The following ST7 variants were observed in gnomAD, a reference collection of about 807,000 sequenced individuals.
ST7 encodes the protein suppressor of tumorigenicity 7 protein.
ST7 carries 28 observed loss-of-function variants against 78.7 expected under a neutral mutation model. The ratio of observed to expected loss-of-function variants is 0.36; its 90% confidence interval spans 0.26 to 0.49. The LOEUF is 0.49. Among genes scored for constraint, ST7 ranks in the 20% least tolerant of loss-of-function variants. ST7 has a pLI of 0.99. For synonymous variants in ST7, 247 were observed against 249.6 expected (o/e 0.99, Z 0.10); for missense variants, 418 against 696.0 (o/e 0.60, Z 4.49).
At chr7:117,191,021 G>A (rs932933096) in intron 12 of ST7, 85 bp downstream of exon 12, 20 of 1,089,360 alleles carry the variant, frequency 1.8e-5, no homozygotes, top group Non-Finnish European at 2.6e-5. Flanking sequence ...CAAGTACACC[G>A]CTTATAAAAA....
At chr7:116,967,112 A>G (rs1186986116) in intron 1 of ST7, among the ~76,000 whole-genome samples, 1 of 136,360 alleles carries the variant, frequency 7.3e-6, no homozygotes, top group Admixed American at 8.1e-5. Context: ...GTGAGTTTCT[A>G]TCACTCTTTT....
At chr7:117,029,377 C>T (rs1326938113) in intron 1 of ST7, among the ~76,000 whole-genome samples, 1 of 151,796 alleles carries the variant, frequency 6.6e-6, no homozygotes, top group Admixed American at 6.6e-5. Flanking sequence ...TCTTTTTGGC[C>T]ATTTGTGTAT....
chr7:117,188,042 G>T (rs1584547193), intron 10 of ST7, among the ~76,000 whole-genome samples: 1 of 152,074 alleles, frequency 6.6e-6, no homozygotes, highest in African/African-American at 2.4e-5. Context: ...GAGATTACGG[G>T]TACAAAGACC....
rs990251196 is a variant in ST7, at chr7:117,152,203, A to T, written c.963+13671A>T. Reference sequence around the variant, plus strand: ...TATATATATATATATATATATATATATATATATATATATATATATACCATG... The same window carrying T: ...TATATATATATATATATATATATATTTATATATATATATATATATACCATG... On this transcript the variant is annotated intron_variant, in intron 9 of 15. Transcript: ENST00000323984. Among the ~76,000 whole-genome samples, 233 of 94,666 alleles carry T rather than the reference A, an allele frequency of 2.5e-3. 5 individuals carry two copies. The highest frequency in any genetic ancestry group is 8.0e-3 in the African/African-American group (221 of 27,734). 62.1% of individuals were successfully genotyped at this position (94,666 alleles called of 152,430 possible).
intron 1 of ST7, among the ~76,000 whole-genome samples, chr7:116,961,896 C>T (rs1792852076): frequency 6.6e-6 from 1 of 151,938 alleles, no homozygotes; most frequent in Non-Finnish European, 1.5e-5. Context: ...TTAACCCCTG[C>T]ATGCATTAGC....
At chr7:116,980,668 A>G (rs1793918903) in intron 1 of ST7, among the ~76,000 whole-genome samples, 1 of 152,238 alleles carries the variant, frequency 6.6e-6, no homozygotes, top group Non-Finnish European at 1.5e-5. Context: ...TGTTATTTTA[A>G]AATAATTTCA....
intron 12 of ST7, among the ~76,000 whole-genome samples, chr7:117,208,908 T>G (rs1296320179): frequency 3.6e-5 from 1 of 27,402 alleles, no homozygotes; most frequent in African/African-American, 6.7e-5. Context: ...TGTGGGTGTG[T>G]GTGTGTGTGT....
At chr7:117,164,005 GAAA>G (rs570550927) in intron 9 of ST7, among the ~76,000 whole-genome samples, 174 of 152,200 alleles carry the variant, frequency 1.1e-3, no homozygotes, top group African/African-American at 3.6e-3. Context: ...CATAGAAATA[GAAA>G]AACAATCCTA....
At position 117,157,854 on chromosome 7, in the gene ST7, G is replaced by A. The variant is rs543816342; in HGVS notation, c.964-13008G>A. ...ATTCAAAATATGCATCAAATTGCTC[G>A]GGTTTGTTCATGATCTCCGGGCTAG... On this transcript the variant is annotated intron_variant, in intron 9 of 15. Coordinates refer to ENST00000323984, the MANE Select transcript of ST7 (RefSeq NM_001369598.1). Among the ~76,000 whole-genome samples the A allele has an allele frequency of 5.9e-5, 9 of 152,228 alleles. No homozygotes were observed. In the East Asian group the frequency reaches 1.5e-3, roughly 26 times the overall value.
chr7:117,186,422 C>T (rs531473276), intron 10 of ST7, among the ~76,000 whole-genome samples: 18 of 152,136 alleles, frequency 1.2e-4, no homozygotes, highest in Non-Finnish European at 2.1e-4. Context: ...ATCTACAGTG[C>T]GGATATGCTG....
At chr7:117,226,684 T>C (rs1043098645) in intron 15 of ST7, among the ~76,000 whole-genome samples, 8 of 152,210 alleles carry the variant, frequency 5.3e-5, no homozygotes, top group African/African-American at 1.9e-4. Context: ...CTCACTACAT[T>C]GCCTGCTCCT....
chr7:116,988,485 A>G (rs909795923), intron 1 of ST7, among the ~76,000 whole-genome samples: 5 of 152,216 alleles, frequency 3.3e-5, no homozygotes, highest in African/African-American at 1.2e-4. Context: ...TGTTATATAC[A>G]GATTTCATAG....
intron 1 of ST7, among the ~76,000 whole-genome samples, chr7:117,070,581 G>T (rs746314049): frequency 1.3e-5 from 2 of 152,012 alleles, no homozygotes; most frequent in Non-Finnish European, 1.5e-5. Flanking sequence ...TTGCTCTATC[G>T]CCCAGGCTGG....
chr7:117,195,773 G>A (rs1267310314), intron 12 of ST7, among the ~76,000 whole-genome samples: 2 of 152,098 alleles, frequency 1.3e-5, no homozygotes, highest in Non-Finnish European at 2.9e-5. Context: ...GGGGATTATG[G>A]GAAGTATAAT....
intron 10 of ST7, among the ~76,000 whole-genome samples, chr7:117,175,716 G>A (rs1455034775): frequency 6.6e-6 from 1 of 152,196 alleles, no homozygotes; most frequent in Non-Finnish European, 1.5e-5. Context: ...AATTTGTTGT[G>A]AGGATTAAAG....
chr7:117,130,700 A>G, intron 5 of ST7, 94 bp downstream of exon 5: 1 of 766,174 alleles, frequency 1.3e-6, no homozygotes, highest in Non-Finnish European at 2.1e-6. Context: ...GTAAAACTCC[A>G]ATGAATAAAA....
chr7:117,126,831 G>T (rs915845497), intron 3 of ST7, among the ~76,000 whole-genome samples: 1 of 151,850 alleles, frequency 6.6e-6, no homozygotes, highest in Non-Finnish European at 1.5e-5. Flanking sequence ...AGCTTGTAAT[G>T]ATCTCATTAT....
chr7:117,007,587 C>A (rs1052721870), intron 1 of ST7, among the ~76,000 whole-genome samples: 1 of 152,218 alleles, frequency 6.6e-6, no homozygotes, highest in Non-Finnish European at 1.5e-5. Context: ...AAGGTGGCTA[C>A]ACTCAACAAC....
chr7:116,953,673 AACG>A lies in ST7; in HGVS notation c.136_138del (p.Asp46del). 3 of 1,496,176 alleles carry A rather than the reference AACG, an allele frequency of 2.0e-6. No homozygotes were observed. The highest frequency in any genetic ancestry group is 2.7e-6 in the Non-Finnish European group (3 of 1,109,498). The allele number at this position is 1,496,176 out of a possible 1,614,324, so 92.7% of individuals were successfully genotyped here. A position where few individuals can be genotyped will look rare whatever the true frequency, so the allele number is the denominator to read the frequency against. ...CATCCTGCGGGTGCCTTTGAAAATC[AACG>A]ACAACTTGAGCACAGGTAAGGCCTG... On this transcript the variant is annotated inframe_deletion, in exon 1 of 16. Transcript: ENST00000323984.
Sources: gnomAD v4.1 joint callset for allele counts (sites outside exome capture counted in the v4.1 genomes callset) on GRCh38, gnomAD v4.1.1 for gene constraint, MANE v1.5 for transcripts, NCBI Gene and HGNC (gene_info 2026-07-23, HGNC 2026-07-21) for gene names.